GLIS3: variants seen among roughly 807,000 people sequenced by gnomAD.
GLIS3 encodes GLIS family zinc finger 3.
GLIS3 carries 53 observed loss-of-function variants against 78.6 expected under a neutral mutation model. That is an observed-to-expected ratio of 0.67 (90% CI 0.54 to 0.85). The LOEUF is 0.85. Among genes scored for constraint, GLIS3 ranks in the 40% least tolerant of loss-of-function variants. The pLI is 0.00. For synonymous variants in GLIS3, 684 were observed against 509.9 expected (o/e 1.34, Z -4.60); for missense variants, 1,703 against 1,231.1 (o/e 1.38, Z -5.74).
At chr9:4,215,716 C>A (rs1437646798) in intron 2 of GLIS3, among the ~76,000 whole-genome samples, 2 of 152,142 alleles carry the variant, frequency 1.3e-5, no homozygotes, top group East Asian at 3.8e-4. Flanking sequence ...TCTGAAAACA[C>A]GTCCATATAA....
At chr9:4,025,641 C>G (rs940439945) in intron 4 of GLIS3, among the ~76,000 whole-genome samples, 1 of 152,146 alleles carries the variant, frequency 6.6e-6, no homozygotes, top group Non-Finnish European at 1.5e-5. Flanking sequence ...CCGTCTCAGC[C>G]TCCCAAAATG....
intron 9 of GLIS3, among the ~76,000 whole-genome samples, chr9:3,846,747 G>A (rs1202677556): frequency 6.6e-6 from 1 of 152,202 alleles, no homozygotes; most frequent in Non-Finnish European, 1.5e-5. Flanking sequence ...TACCAGCTGT[G>A]TCTCAGTATC....
chr9:4,005,421 C>T (rs538675682), intron 4 of GLIS3, among the ~76,000 whole-genome samples: 1 of 152,156 alleles, frequency 6.6e-6, no homozygotes, highest in African/African-American at 2.4e-5. Context: ...TTCATACTCA[C>T]AGGGGGCTAA....
At chr9:3,831,514 T>C (rs567124780) in intron 9 of GLIS3, among the ~76,000 whole-genome samples, 4 of 152,370 alleles carry the variant, frequency 2.6e-5, no homozygotes, top group South Asian at 2.1e-4. Flanking sequence ...TGTAATGTTG[T>C]AGACATTGCA....
chr9:4,164,275 C>A (rs928208082), intron 2 of GLIS3, among the ~76,000 whole-genome samples: 2 of 152,110 alleles, frequency 1.3e-5, no homozygotes, highest in South Asian at 2.1e-4. Context: ...TACAAACAGC[C>A]CCAAATATTT....
intron 2 of GLIS3, among the ~76,000 whole-genome samples, chr9:4,233,341 C>G (rs1228715709): frequency 6.6e-6 from 1 of 152,224 alleles, no homozygotes; most frequent in Admixed American, 6.5e-5. Context: ...CAGGACCAAA[C>G]TGAAAGTTGA....
chr9:4,222,669 T>G (rs752414001), intron 2 of GLIS3, among the ~76,000 whole-genome samples: 18 of 152,158 alleles, frequency 1.2e-4, no homozygotes, highest in Non-Finnish European at 2.4e-4. Flanking sequence ...CAAAGAACAG[T>G]GCTACTGTAA....
At chr9:4,459,882 G>A in the GLIS3 span, among the ~76,000 whole-genome samples, 1 of 152,354 alleles carries the variant, frequency 6.6e-6, no homozygotes, top group African/African-American at 2.4e-5. Context: ...AAATGCTGCT[G>A]AATGATGGAG....
chr9:3,891,165 G>C (rs572931626), intron 7 of GLIS3, among the ~76,000 whole-genome samples: 33 of 151,572 alleles, frequency 2.2e-4, no homozygotes, highest in African/African-American at 7.7e-4. Context: ...CTAATTTTCA[G>C]AACTATAGCA....
intron 4 of GLIS3, among the ~76,000 whole-genome samples, chr9:4,039,601 G>C (rs1204824909): frequency 6.6e-6 from 1 of 152,208 alleles, no homozygotes; most frequent in African/African-American, 2.4e-5. Flanking sequence ...GGCCAGGTAA[G>C]AGAAGTGACT....
Position 3,956,553 on chromosome 9 carries a change from A to G in GLIS3, c.1711-19364T>C, listed in dbSNP as rs1381074070. Among the ~76,000 whole-genome samples, 4 of 152,324 alleles carry G rather than the reference A, an allele frequency of 2.6e-5. No homozygotes were observed. The East Asian group carries it at 7.7e-4, about 29-fold the overall frequency. On this transcript the variant is annotated intron_variant, in intron 4 of 10. Coordinates refer to ENST00000381971, the MANE Select transcript of GLIS3 (RefSeq NM_001042413.2). ...GAGACATCACTCTGATTCTCAGCCC[A>G]TTCTTAAGTAACTCAACACACTGGA...
At chr9:4,130,243 C>A (rs745920923) in intron 2 of GLIS3, among the ~76,000 whole-genome samples, 9 of 152,142 alleles carry the variant, frequency 5.9e-5, no homozygotes, top group Non-Finnish European at 1.0e-4. Flanking sequence ...AATTTACAGC[C>A]TGGCCATGTG....
intron 4 of GLIS3, among the ~76,000 whole-genome samples, chr9:4,004,689 A>G (rs562952534): frequency 2.6e-5 from 4 of 152,226 alleles, no homozygotes; most frequent in African/African-American, 4.8e-5. Context: ...GGTACTGCTT[A>G]TTAGCCCTAA....
At chr9:4,333,791 T>C (rs1478596398) in intron 2 of GLIS3, among the ~76,000 whole-genome samples, 1 of 132,918 alleles carries the variant, frequency 7.5e-6, no homozygotes, top group South Asian at 2.5e-4. Flanking sequence ...TTCCAGCTGT[T>C]ACACCTGATT....
chr9:4,348,025 G>T (rs545999190), intron 1 of GLIS3, among the ~76,000 whole-genome samples: 1 of 152,114 alleles, frequency 6.6e-6, no homozygotes, highest in South Asian at 2.1e-4. Flanking sequence ...AATTTAAAAT[G>T]TTCATAAAAC....
chr9:4,293,995 C>T (rs924094021), intron 1 of GLIS3, among the ~76,000 whole-genome samples: 1 of 152,140 alleles, frequency 6.6e-6, no homozygotes, highest in African/African-American at 2.4e-5. Context: ...ATGATTGGAT[C>T]TTTGTTTCTG....
chr9:4,376,890 G>A, the GLIS3 span, among the ~76,000 whole-genome samples: 9 of 134,806 alleles, frequency 6.7e-5, 1 homozygote, highest in Non-Finnish European at 1.3e-4. Flanking sequence ...TTGCAAATGC[G>A]CGTGTTCTTT....
At chr9:4,451,590 T>C in the GLIS3 span, among the ~76,000 whole-genome samples, 32 of 152,082 alleles carry the variant, frequency 2.1e-4, no homozygotes, top group African/African-American at 6.5e-4. Context: ...ATTGACCACA[T>C]AGTTGGAAGT....
At chr9:4,448,344 A>G in the GLIS3 span, among the ~76,000 whole-genome samples, 2,489 of 152,250 alleles carry the variant, frequency 0.016, 60 homozygotes, top group African/African-American at 0.048. Context: ...CAGCCTAGCC[A>G]CTCAGGCAGC....
Sources: gnomAD v4.1 joint callset for allele counts (sites outside exome capture counted in the v4.1 genomes callset) on GRCh38, gnomAD v4.1.1 for gene constraint, MANE v1.5 for transcripts, NCBI Gene and HGNC (gene_info 2026-07-23, HGNC 2026-07-21) for gene names.